Variants in LRCH1 observed in about 807,000 individuals in gnomAD.
LRCH1 encodes the protein leucine-rich repeat and calponin homology domain-containing protein 1.
A neutral mutation model predicts 94.9 loss-of-function variants in LRCH1; 23 were observed. The ratio of observed to expected loss-of-function variants is 0.24; its 90% CI spans 0.17 to 0.34. The LOEUF (loss-of-function observed/expected upper bound fraction) is 0.34. LRCH1 is among the 10% of genes least tolerant of loss of function. The probability of loss-of-function intolerance (pLI) is 1.00; values close to 1 mark genes in which losing one functional copy is unlikely to be tolerated. For synonymous variants in LRCH1, 364 were observed against 354.9 expected (o/e 1.03, Z -0.29); for missense variants, 790 against 945.9 (o/e 0.84, Z 2.16).
At chr13:46,554,802 G>C (rs1469920396) in intron 1 of LRCH1, among the ~76,000 whole-genome samples, 1 of 151,606 alleles carries the variant, frequency 6.6e-6, no homozygotes, top group East Asian at 1.9e-4. Flanking sequence ...CATTTCCCAG[G>C]GCAGTGGGTG....
chr13:46,725,898 C>A lies in LRCH1; in HGVS notation c.1869+2568C>A, dbSNP rs76578268. Reference sequence around the variant, plus strand: ...AGCTATGCCCCTCAAGGAGTGATATCTTACAATTTTATCTTAAACATGGGT... The same window carrying A: ...AGCTATGCCCCTCAAGGAGTGATATATTACAATTTTATCTTAAACATGGGT... On this transcript the variant is annotated intron_variant, in intron 17 of 19. Coordinates refer to ENST00000389797, the MANE Select transcript of LRCH1 (RefSeq NM_001164211.2). Among the ~76,000 whole-genome samples, 1,150 of 152,222 alleles carry A rather than the reference C, an allele frequency of 7.6e-3. 16 individuals are homozygous for A. Among genetic ancestry groups the A allele is most frequent in the African/African-American group, 0.027 (1,113 of 41,536 alleles).
At chr13:46,666,320 G>T (rs2051515200) in intron 2 of LRCH1, among the ~76,000 whole-genome samples, 1 of 152,248 alleles carries the variant, frequency 6.6e-6, no homozygotes, top group African/African-American at 2.4e-5. Flanking sequence ...CACTCTGGAA[G>T]ATTTCCAATG....
chr13:46,573,000 A>G (rs980282168), intron 1 of LRCH1, among the ~76,000 whole-genome samples: 3 of 152,166 alleles, frequency 2.0e-5, no homozygotes, highest in Non-Finnish European at 4.4e-5. Context: ...CTCATCTGTA[A>G]AAGAGAAATG....
Position 46,712,552 on chromosome 13 carries a change from C to T in LRCH1, c.1609C>T (p.Pro537Ser). 1.2e-6 allele frequency: 2 copies of T among 1,613,984 alleles called. No individual in the cohort carries two copies. Residue 537 changes from proline (P) to serine (S), a missense_variant, in exon 15 of 20, where the codon CCT becomes TCT. Coordinates refer to ENST00000389797, the MANE Select transcript of LRCH1 (RefSeq NM_001164211.2). ...EIRENSPAVSPTTNSTAPFGL... is the reference protein window; with the variant it reads ...EIRENSPAVSSTTNSTAPFGL... ...TAGAGAGAACTCCCCTGCAGTCTCT[C>T]CTACCACAAACAGCACAGCTCCATT...
chr13:46,742,908 C>A lies in LRCH1; in HGVS notation c.*1060C>A. On this transcript the variant is annotated 3_prime_UTR_variant, in exon 20 of 20. Transcript: ENST00000389797. ...AGCCTTTGATTTTCACTGATATTAA[C>A]TAGCAAACTGCTTTAAGTCAGCTCA... is the stretch of plus-strand genomic sequence containing the variant. The A allele has an allele frequency of 1.0e-6, 1 of 985,098 alleles. No homozygotes were observed. The highest frequency in any genetic ancestry group is 1.7e-5 in the African/African-American group (1 of 57,350). The allele number at this position is 985,098 out of a possible 1,614,324, so 61.0% of individuals were successfully genotyped here.
chr13:46,573,612 G>GA (rs989669850), intron 1 of LRCH1, among the ~76,000 whole-genome samples: 4 of 151,828 alleles, frequency 2.6e-5, no homozygotes, highest in Non-Finnish European at 5.9e-5. Flanking sequence ...TATATTAAGT[G>GA]AAATAAGCCG....
intron 1 of LRCH1, among the ~76,000 whole-genome samples, chr13:46,563,154 A>AAG (rs1217548418): frequency 6.6e-6 from 1 of 152,194 alleles, no homozygotes; most frequent in Non-Finnish European, 1.5e-5. Flanking sequence ...GCAAATGAAA[A>AAG]ACTAATCAAT....
At chr13:46,599,388 G>A (rs889660673) in intron 1 of LRCH1, among the ~76,000 whole-genome samples, 1 of 151,974 alleles carries the variant, frequency 6.6e-6, no homozygotes, top group African/African-American at 2.4e-5. Context: ...TGGATCAGAC[G>A]GTAACTTTAT....
chr13:46,748,982 C>G (rs1874018364), downstream of LRCH1, among the ~76,000 whole-genome samples: 1 of 152,160 alleles, frequency 6.6e-6, no homozygotes. Flanking sequence ...CATGTCATGT[C>G]CTTTGAAAGT....
At chr13:46,700,684 A>C (rs1464389823) in intron 10 of LRCH1, among the ~76,000 whole-genome samples, 3 of 152,156 alleles carry the variant, frequency 2.0e-5, no homozygotes, top group African/African-American at 7.2e-5. Context: ...ACTGAGAACC[A>C]CTGTCCCACA....
At chr13:46,685,579 T>C (rs958674588) in intron 4 of LRCH1, among the ~76,000 whole-genome samples, 1 of 152,056 alleles carries the variant, frequency 6.6e-6, no homozygotes, top group African/African-American at 2.4e-5. Context: ...AACATAAACA[T>C]GTCCTGTGTG....
chr13:46,672,142 G>A (rs1048412423), intron 3 of LRCH1, among the ~76,000 whole-genome samples: 2 of 152,164 alleles, frequency 1.3e-5, no homozygotes, highest in African/African-American at 4.8e-5. Context: ...CATACAGTAT[G>A]TAGCCTTTTC....
At chr13:46,630,472 A>T (rs772124177) in intron 1 of LRCH1, among the ~76,000 whole-genome samples, 1 of 152,232 alleles carries the variant, frequency 6.6e-6, no homozygotes, top group Non-Finnish European at 1.5e-5. Context: ...GGGTCATCTG[A>T]ATCTAAAGAT....
chr13:46,628,803 A>G (rs1335844645), intron 1 of LRCH1, among the ~76,000 whole-genome samples: 1 of 152,088 alleles, frequency 6.6e-6, no homozygotes, highest in East Asian at 1.9e-4. Context: ...GGAGATATAA[A>G]ACAGTAATGT....
chr13:46,650,480 G>A (rs1396464151), intron 2 of LRCH1, 135 bp downstream of exon 2: 2 of 640,860 alleles, frequency 3.1e-6, no homozygotes, highest in Non-Finnish European at 5.0e-6. Context: ...GATGTTTTAA[G>A]TAATAACTTT....
In LRCH1 at chr13:46,611,696, A is replaced by G. The variant is rs994162385; in HGVS notation, c.308-38505A>G. Among the ~76,000 whole-genome samples, 6 of 152,256 alleles carry G rather than the reference A, an allele frequency of 3.9e-5. No homozygotes were observed. In the South Asian group the frequency reaches 1.2e-3, roughly 32 times the overall value. On this transcript the variant is annotated intron_variant, in intron 1 of 19. Transcript: ENST00000389797. ...ATATTTCAAAGACTTAGTATTTAAA[A>G]AGAATAATATACAATAAGTAATTTT...
intron 3 of LRCH1, among the ~76,000 whole-genome samples, chr13:46,674,598 G>C (rs1351955536): frequency 6.6e-6 from 1 of 152,210 alleles, no homozygotes; most frequent in Non-Finnish European, 1.5e-5. Flanking sequence ...TAGCAGTATG[G>C]ATATGTTGCT....
intron 11 of LRCH1, among the ~76,000 whole-genome samples, chr13:46,704,852 T>A (rs1437656940): frequency 6.6e-6 from 1 of 152,112 alleles, no homozygotes; most frequent in East Asian, 1.9e-4. Flanking sequence ...ACAAGTTGGA[T>A]TGTATTACCA....
intron 3 of LRCH1, among the ~76,000 whole-genome samples, chr13:46,671,295 T>C (rs982881356): frequency 6.6e-5 from 10 of 152,218 alleles, no homozygotes; most frequent in African/African-American, 2.2e-4. Flanking sequence ...TCCATACTTA[T>C]TACTCAATTT....
Sources: gnomAD v4.1 joint callset for allele counts (sites outside exome capture counted in the v4.1 genomes callset) on GRCh38, gnomAD v4.1.1 for gene constraint, MANE v1.5 for transcripts, NCBI Gene and HGNC (gene_info 2026-07-23, HGNC 2026-07-21) for gene names.